Variants in MIS18BP1 observed in about 807,000 individuals in gnomAD.
The protein encoded by MIS18BP1 is MIS18 binding protein 1.
MIS18BP1 carries 72 observed loss-of-function variants against 116.1 expected under a neutral mutation model. The ratio of observed to expected loss-of-function variants is 0.62; its 90% CI spans 0.51 to 0.75. The LOEUF is 0.75. MIS18BP1 is among the 30% of genes least tolerant of loss of function. MIS18BP1 has a pLI of 0.00. For synonymous variants in MIS18BP1, 386 were observed against 427.0 expected, an observed-to-expected ratio of 0.90 and a Z score of 1.18; for missense variants, 1,363 against 1,303.2, an observed-to-expected ratio of 1.05 and a Z score of -0.71.
At chr14:45,223,525 G>A (rs986966722) in intron 11 of MIS18BP1, among the ~76,000 whole-genome samples, 8 of 152,144 alleles carry the variant, frequency 5.3e-5, no homozygotes, top group Non-Finnish European at 8.8e-5. Flanking sequence ...TGCAGTAACC[G>A]GGATTGTGGC....
intron 10 of MIS18BP1, among the ~76,000 whole-genome samples, chr14:45,225,019 T>A (rs944467881): frequency 3.3e-5 from 5 of 152,128 alleles, no homozygotes; most frequent in African/African-American, 1.2e-4. Flanking sequence ...TGCCTGGCCT[T>A]CCACATAGTT....
At chr14:45,235,596 A>C (rs565691593) in intron 6 of MIS18BP1, among the ~76,000 whole-genome samples, 23 of 151,946 alleles carry the variant, frequency 1.5e-4, no homozygotes, top group African/African-American at 5.3e-4. Context: ...TTTCCAAAAA[A>C]AAAAAAAAAA....
intron 1 of MIS18BP1, chr14:45,249,906 G>A (rs373174014): frequency 6.6e-6 from 1 of 152,084 alleles, no homozygotes; most frequent in South Asian, 2.1e-4. Context: ...TAAACTGGAA[G>A]ACTGCAAAAC....
chr14:45,215,951 G>A (rs996909712), intron 13 of MIS18BP1, among the ~76,000 whole-genome samples: 1 of 148,276 alleles, frequency 6.7e-6, no homozygotes, highest in East Asian at 2.0e-4. Context: ...TGATCTGCCC[G>A]CCTCGGCCTC....
intron 11 of MIS18BP1, among the ~76,000 whole-genome samples, chr14:45,220,330 T>C (rs985073013): frequency 2.0e-5 from 3 of 152,214 alleles, no homozygotes; most frequent in African/African-American, 7.2e-5. Context: ...TCCATTTGTC[T>C]TGAATCCTTG....
At chr14:45,232,310 G>T (rs145312388) in intron 7 of MIS18BP1, among the ~76,000 whole-genome samples, 3 of 151,372 alleles carry the variant, frequency 2.0e-5, no homozygotes, top group African/African-American at 4.9e-5. Context: ...CCAGCTACTC[G>T]GGAGGCTGAG....
intron 14 of MIS18BP1, 121 bp downstream of exon 14, chr14:45,210,259 T>G: frequency 9.7e-7 from 1 of 1,028,054 alleles, no homozygotes; most frequent in Non-Finnish European, 1.4e-6. Context: ...AAACTACACA[T>G]TCTTGATTTT....
chr14:45,234,476 G>C (rs1891371359), intron 6 of MIS18BP1, among the ~76,000 whole-genome samples: 1 of 152,138 alleles, frequency 6.6e-6, no homozygotes, highest in Non-Finnish European at 1.5e-5. Flanking sequence ...CATAATAAAA[G>C]CAGGTGTTAA....
chr14:45,236,996 C>T (rs564075822), intron 5 of MIS18BP1, among the ~76,000 whole-genome samples: 4 of 150,788 alleles, frequency 2.7e-5, no homozygotes, highest in Non-Finnish European at 5.9e-5. Context: ...CATATGAGTA[C>T]CTTAAACAGT....
In MIS18BP1 at chr14:45,252,847, T is replaced by C. The variant is rs549649874; in HGVS notation, c.-92+188A>G. ...GAAATAAATTTGAGCAATCGTGTTCTACTCTCTTAAGTACAGTAGACACGC... is the reference window on the plus strand; with the variant it reads ...GAAATAAATTTGAGCAATCGTGTTCCACTCTCTTAAGTACAGTAGACACGC... On this transcript the variant is annotated intron_variant, in intron 1 of 16. Coordinates refer to ENST00000310806, the MANE Select transcript of MIS18BP1 (RefSeq NM_018353.5). Among the ~76,000 whole-genome samples, 12 of 152,320 alleles carry C rather than the reference T, an allele frequency of 7.9e-5. No individual in the cohort carries two copies. The East Asian group carries it at 2.3e-3, about 29-fold the overall frequency.
At chr14:45,241,967 AAAAGCTCAAGCTCTTG>A (rs1273806092) in intron 4 of MIS18BP1, 51 bp downstream of exon 4, 44 of 1,479,426 alleles carry the variant, frequency 3.0e-5, no homozygotes, top group Admixed American at 2.0e-4. Context: ...AGAGAACATT[AAAAGCTCAAGCTCTTG>A]AAGAACGGGG....
Position 45,224,538 on chromosome 14 carries a change from T to A in MIS18BP1, c.2049A>T (p.Ile683=), listed in dbSNP as rs1432489292. The A allele has an allele frequency of 1.9e-6, 3 of 1,612,644 alleles. No individual in the cohort carries two copies. Among genetic ancestry groups the A allele is most frequent in the Non-Finnish European group, 2.5e-6 (3 of 1,179,648 alleles). Residue 683 remains isoleucine (I), a synonymous_variant, in exon 11 of 17, where the codon ATA becomes ATT. Coordinates refer to ENST00000310806, the MANE Select transcript of MIS18BP1 (RefSeq NM_018353.5). ...GTIKAVTDFV[I]PECQKKSPIS... is the part of the protein sequence containing the mutation. The stretch of plus-strand genomic sequence containing the variant: ...TGGGACTTTTTTTTTGACACTCTGG[T>A]ATTACAAAATCTGTTACTGCTTTGA...
At chr14:45,250,803 G>T (rs1373937452) in intron 1 of MIS18BP1, among the ~76,000 whole-genome samples, 1 of 152,030 alleles carries the variant, frequency 6.6e-6, no homozygotes, top group Non-Finnish European at 1.5e-5. Context: ...ATCACGAGGC[G>T]AATGACGGCG....
Position 45,206,082 on chromosome 14 carries a change from C to A in MIS18BP1, c.3240+1G>T. ...TGTATTGGATAAAGAAAAATACTTA[C>A]TAATTTTTTCTTGATGTTGCCCCAG... On this transcript the variant is annotated splice_donor_variant, in intron 15 of 16. Transcript: ENST00000310806. LOFTEE classifies it high-confidence loss of function. The A allele has an allele frequency of 1.3e-6, 2 of 1,571,564 alleles. No individual in the cohort carries two copies. The highest frequency in any genetic ancestry group is 1.7e-6 in the Non-Finnish European group (2 of 1,145,324).
chr14:45,218,411 CTGA>C lies in MIS18BP1; in HGVS notation c.2710_2712del (p.Ser904del). On this transcript the variant is annotated inframe_deletion, in exon 12 of 17. Transcript: ENST00000310806. ...CGAGAACCTACAGCCGCAGCTACCT[CTGA>C]CCAGAAACCAGGTTTGTGCTTTGGA... 1 of 1,613,116 alleles carries C rather than the reference CTGA, an allele frequency of 6.2e-7. No homozygotes were observed. The highest frequency in any genetic ancestry group is 8.5e-7 in the Non-Finnish European group (1 of 1,179,798).
In MIS18BP1 at chr14:45,235,953, A is replaced by G. The variant is rs747269357; in HGVS notation, c.1218-9T>C. The G allele has an allele frequency of 8.8e-6, 14 of 1,591,712 alleles. No homozygotes were observed. The highest frequency in any genetic ancestry group is 1.2e-5 in the Non-Finnish European group (14 of 1,172,178). ...ATATGTTAGTGACGTCTCTAGGAAA[A>G]AAAAATAGTTTTGGTAAGGTCAAAA... On this transcript the variant is annotated splice_polypyrimidine_tract_variant and intron_variant, in intron 5 of 16. Transcript: ENST00000310806.
At chr14:45,235,669 C>G in intron 6 of MIS18BP1, 145 bp downstream of exon 6, 1 of 503,582 alleles carries the variant, frequency 2.0e-6, no homozygotes, top group Admixed American at 4.4e-5. Context: ...AAAAAAATTA[C>G]CAGTTTTATA....
At chr14:45,216,450 GT>G (rs1444734692) in intron 13 of MIS18BP1, among the ~76,000 whole-genome samples, 1 of 152,102 alleles carries the variant, frequency 6.6e-6, no homozygotes, top group Non-Finnish European at 1.5e-5. Flanking sequence ...TTCCCCAAGT[GT>G]TTATTCAGCC....
chr14:45,246,683 G>A lies in MIS18BP1; in HGVS notation c.544+60C>T, dbSNP rs150441488. The A allele has an allele frequency of 5.3e-3, 7,706 of 1,466,274 alleles. 35 individuals are homozygous for A. The highest frequency in any genetic ancestry group is 6.4e-3 in the Non-Finnish European group (7,002 of 1,097,818). 90.8% of individuals were successfully genotyped at this position (1,466,274 alleles called of 1,614,324 possible). A position where few individuals can be genotyped will look rare whatever the true frequency, so the allele number is the denominator to read the frequency against. ...TGCTATATTCTGAGCACCTAAAACAGTGTCTGAAACATTAAACACTTAAGA... is the reference window on the plus strand; with the variant it reads ...TGCTATATTCTGAGCACCTAAAACAATGTCTGAAACATTAAACACTTAAGA... On this transcript the variant is annotated intron_variant, in intron 2 of 16. Coordinates refer to ENST00000310806, the MANE Select transcript of MIS18BP1 (RefSeq NM_018353.5).
Sources: gnomAD v4.1 joint callset for allele counts (sites outside exome capture counted in the v4.1 genomes callset) on GRCh38, gnomAD v4.1.1 for gene constraint, MANE v1.5 for transcripts, NCBI Gene and HGNC (gene_info 2026-07-23, HGNC 2026-07-21) for gene names.